The following PCF11 variants were observed in gnomAD, a reference collection of about 807,000 sequenced individuals.
The protein encoded by PCF11 is PCF11 cleavage and polyadenylation factor subunit, also known as pre-mRNA cleavage complex 2 protein Pcf11.
PCF11 carries 19 observed loss-of-function variants against 166.1 expected under a neutral mutation model. That is an observed-to-expected ratio of 0.11 (90% CI 0.08 to 0.17). The LOEUF (loss-of-function observed/expected upper bound fraction) is 0.17. PCF11 is among the 10% of genes least tolerant of loss of function. PCF11 has a pLI of 1.00. For missense variants in PCF11, 1,565 were observed against 1,855.5 expected (o/e 0.84, Z 2.88); for synonymous variants, 663 against 644.1 (o/e 1.03, Z -0.44).
At chr11:83,185,735 TTAGA>T (rs1453226052) in exon 16 of PCF11, 2 of 152,654 alleles carry the variant, frequency 1.3e-5, no homozygotes, top group African/African-American at 2.4e-5. Context: ...TGGTTTTGAC[TTAGA>T]TGGACACCAT....
chr11:83,179,418 T>G (rs1186392399), intron 11 of PCF11, among the ~76,000 whole-genome samples: 1 of 151,918 alleles, frequency 6.6e-6, no homozygotes. Flanking sequence ...CCCAGCTAAT[T>G]TTTGTATTTT....
chr11:83,169,785 A>G (rs370204496), exon 8 of PCF11: 414 of 1,613,798 alleles, frequency 2.6e-4, no homozygotes, highest in Non-Finnish European at 3.3e-4. Flanking sequence ...CCCAAGGACT[A>G]CAGTTCCAAA....
rs775398621 is a variant in PCF11 at position 83,169,750 on chromosome 11, C to T, written c.3415C>T (p.Pro1139Ser). ...TCAGACTGGTCCATATAATGATCCA[C>T]CTGGCAATGCTTTTAATGCCCCATC... The change falls in exon 8 of 16, where the codon CCT (proline) becomes TCT (serine). Residue 1139 changes from proline (P) to serine (S), a missense_variant. Transcript: ENST00000298281. The T allele has an allele frequency of 2.7e-5, 44 of 1,613,786 alleles. No homozygotes were observed. In the African/African-American group the frequency reaches 5.3e-4, roughly 20 times the overall value.
intron 8 of PCF11, among the ~76,000 whole-genome samples, chr11:83,171,609 A>G (rs1482874889): frequency 2.0e-5 from 3 of 152,222 alleles, no homozygotes; most frequent in African/African-American, 7.2e-5. Context: ...TCAGTAACTT[A>G]TACCTCTATG....
chr11:83,182,030 T>G (rs769004848), intron 13 of PCF11, 21 bp downstream of exon 13: 3 of 1,584,740 alleles, frequency 1.9e-6, no homozygotes, highest in African/African-American at 1.4e-5. Flanking sequence ...AACGTTTAAG[T>G]TTTCTCACAG....
intron 10 of PCF11, among the ~76,000 whole-genome samples, 189 bp downstream of exon 10, chr11:83,177,393 G>T (rs560961551): frequency 6.6e-6 from 1 of 152,234 alleles, no homozygotes; most frequent in South Asian, 2.1e-4. Flanking sequence ...CTACCTTATA[G>T]TGGACATGTG....
exon 8 of PCF11, chr11:83,168,451 C>T: frequency 6.2e-7 from 1 of 1,606,034 alleles, no homozygotes; most frequent in African/African-American, 1.3e-5. Flanking sequence ...GCAGAGATCT[C>T]CATTCAATGA....
In PCF11 at chr11:83,167,353, CTATTTTTTTGG is replaced by C. The variant is rs1190101944; in HGVS notation, c.2002-52_2002-42del. The stretch of plus-strand genomic sequence containing the variant: ...CCATGTAGTCATCATTATCTATCGT[CTATTTTTTTGG>C]TATTTTTTTATATTTAAAATATTTT... On this transcript the variant is annotated intron_variant, in intron 6 of 15. Transcript: ENST00000298281. The surrounding 1 kb of genome is among the most constrained non-coding windows in gnomAD (Gnocchi z 4.2). The C allele has an allele frequency of 6.5e-7, 1 of 1,539,600 alleles. No homozygotes were observed. The highest frequency in any genetic ancestry group is 8.7e-7 in the Non-Finnish European group (1 of 1,144,596).
chr11:83,173,465 CA>C (rs1860759461), intron 9 of PCF11, among the ~76,000 whole-genome samples: 9 of 146,270 alleles, frequency 6.2e-5, no homozygotes, highest in Admixed American at 6.1e-4. Context: ...GAAAAAAAAC[CA>C]AAAACCAAAA....
chr11:83,166,206 T>A, exon 5 of PCF11: 1 of 1,612,256 alleles, frequency 6.2e-7, no homozygotes, highest in Non-Finnish European at 8.5e-7. Context: ...GCACATGAAG[T>A]CATCCGAACA....
Position 83,165,995 on chromosome 11 carries a change from G to A in PCF11, c.1098G>A (p.Ser366=), listed in dbSNP as rs184923420. ...ACCAATTAGATTCTAAATCGAAATC[G>A]AAATCGAAATCACCCTCACCTTTGA... Residue 366 remains serine, a synonymous_variant, in exon 5 of 16, where the codon TCG becomes TCA. Coordinates refer to ENST00000298281, the Ensembl canonical transcript of PCF11. 2.8e-4 allele frequency: 447 copies of A among 1,597,522 alleles called. 1 individual carries two copies. In the African/African-American group the frequency reaches 5.3e-3, roughly 19 times the overall value.
exon 14 of PCF11, chr11:83,182,455 A>G: frequency 1.3e-6 from 2 of 1,575,074 alleles, no homozygotes; most frequent in Non-Finnish European, 1.7e-6. Context: ...AAGAGGAGGA[A>G]TGGCATTTGA....
exon 16 of PCF11, chr11:83,184,925 T>TA (rs1364232348): frequency 1.4e-6 from 2 of 1,434,566 alleles, no homozygotes; most frequent in Admixed American, 2.7e-5. Flanking sequence ...TTTTCTTTTT[T>TA]AAAAAAGCTG....
At chr11:83,173,814 C>T (rs936469616) in intron 9 of PCF11, among the ~76,000 whole-genome samples, 10 of 141,520 alleles carry the variant, frequency 7.1e-5, no homozygotes, top group Non-Finnish European at 1.2e-4. Flanking sequence ...ACTGCAACCT[C>T]TGCCTCCTGA....
exon 8 of PCF11, chr11:83,169,325 G>T (rs1427931320): frequency 7.4e-6 from 12 of 1,611,924 alleles, no homozygotes; most frequent in Non-Finnish European, 1.0e-5. Context: ...AGGTTTGAAG[G>T]CCCTTTAGTC....
exon 16 of PCF11, chr11:83,184,814 A>G: frequency 1.2e-6 from 2 of 1,606,992 alleles, no homozygotes; most frequent in East Asian, 2.2e-5. Context: ...ACGAATTGAT[A>G]CACCACCAGC....
chr11:83,178,268 C>A (rs1860955571), intron 11 of PCF11, among the ~76,000 whole-genome samples: 1 of 152,006 alleles, frequency 6.6e-6, no homozygotes, highest in Non-Finnish European at 1.5e-5. Context: ...GATCCACCTG[C>A]CTTGGCCTCC....
At chr11:83,164,306 C>T (rs1189662201) in exon 4 of PCF11, 1 of 1,613,294 alleles carries the variant, frequency 6.2e-7, no homozygotes, top group African/African-American at 1.3e-5. Flanking sequence ...ACAAGAACAA[C>T]TAATAAGGCA....
At chr11:83,171,245 G>A in intron 8 of PCF11, 1 of 437,232 alleles carries the variant, frequency 2.3e-6, no homozygotes, top group South Asian at 1.6e-5. Context: ...ACTTTGTAAT[G>A]TGGCTATAAC....
Sources: allele counts gnomAD v4.1 joint callset (sites outside exome capture counted in the v4.1 genomes callset), GRCh38; gene constraint gnomAD v4.1.1; non-coding constraint Gnocchi (gnomAD v3.1); transcripts MANE v1.5; gene names NCBI Gene and HGNC (gene_info 2026-07-23, HGNC 2026-07-21).